Variants in CYP19A1 observed in about 807,000 individuals in gnomAD.
The protein encoded by CYP19A1 is aromatase.
Under a neutral mutation model 44.4 loss-of-function variants are expected in CYP19A1, and 32 were observed. That is an observed-to-expected ratio of 0.72 (90% CI 0.54 to 0.97). The LOEUF (loss-of-function observed/expected upper bound fraction) is 0.97. Among genes scored for constraint, CYP19A1 ranks in the 50% least tolerant of loss-of-function variants. The pLI is 0.00. For synonymous variants in CYP19A1, 212 were observed against 215.6 expected, an observed-to-expected ratio of 0.98 and a Z score of 0.14; for missense variants, 598 against 637.8, an observed-to-expected ratio of 0.94 and a Z score of 0.67.
At chr15:51,270,990 G>T (rs1451443759) in intron 1 of CYP19A1, among the ~76,000 whole-genome samples, 1 of 152,030 alleles carries the variant, frequency 6.6e-6, no homozygotes, top group Non-Finnish European at 1.5e-5. Context: ...CTTTCTGAGG[G>T]TATCAGTGGC....
intron 5 of CYP19A1, among the ~76,000 whole-genome samples, chr15:51,220,236 C>G (rs576008172): frequency 6.6e-6 from 1 of 152,346 alleles, no homozygotes; most frequent in South Asian, 2.1e-4. Flanking sequence ...TAACCACCCT[C>G]TCCATGACAT....
Position 51,325,566 on chromosome 15 carries a change from G to A in CYP19A1, c.-39+12929C>T, listed in dbSNP as rs764783072. Among the ~76,000 whole-genome samples the A allele has an allele frequency of 5.3e-5, 8 of 152,252 alleles. No homozygotes were observed. In the Middle Eastern group the frequency reaches 0.01, roughly 194 times the overall value. On this transcript the variant is annotated intron_variant, in intron 1 of 9. Transcript: ENST00000396402. ...GAAAAGTTGAAAGTGCAGGCCAGGC[G>A]CCATGGCTCATGCCTGTAATCCCAG...
At chr15:51,280,117 CTTT>C (rs56080547) in intron 1 of CYP19A1, 3 of 119,624 alleles carry the variant, frequency 2.5e-5, no homozygotes, top group Admixed American at 8.4e-5. Flanking sequence ...GCCTGCCCTT[CTTT>C]TTTTTTTTTT....
chr15:51,311,859 G>GT (rs1312490900), intron 1 of CYP19A1, among the ~76,000 whole-genome samples: 1 of 152,140 alleles, frequency 6.6e-6, no homozygotes, highest in Non-Finnish European at 1.5e-5. Context: ...CTGGGCCTCA[G>GT]TTCCTCACCT....
chr15:51,249,452 C>T (rs1045708654), intron 1 of CYP19A1, among the ~76,000 whole-genome samples: 4 of 152,168 alleles, frequency 2.6e-5, no homozygotes, highest in Non-Finnish European at 5.9e-5. Flanking sequence ...TCCTCTTTTT[C>T]TCTCCGACAT....
chr15:51,287,102 G>C (rs1439779698), intron 1 of CYP19A1, among the ~76,000 whole-genome samples: 1 of 152,212 alleles, frequency 6.6e-6, no homozygotes, highest in Admixed American at 6.5e-5. Context: ...ATGACAGCTA[G>C]TGCACATAGT....
chr15:51,210,448 C>A lies in CYP19A1; in HGVS notation c.*360G>T, dbSNP rs538112863. The A allele has an allele frequency of 1.1e-5, 6 of 523,552 alleles. No individual in the cohort carries two copies. The highest frequency in any genetic ancestry group is 7.7e-5 in the South Asian group (5 of 64,690). 32.4% of individuals were successfully genotyped at this position (523,552 alleles called of 1,614,324 possible). ...GTTTCTGCCCCAGACATAAAAATCC[C>A]CTTGGGTTGAGGCAGTAGAGCTCTA... is the stretch of plus-strand genomic sequence containing the variant. On this transcript the variant is annotated 3_prime_UTR_variant, in exon 10 of 10. Transcript: ENST00000396402.
chr15:51,300,030 C>T (rs894744619), intron 1 of CYP19A1, among the ~76,000 whole-genome samples: 4 of 152,202 alleles, frequency 2.6e-5, no homozygotes, highest in African/African-American at 9.7e-5. Flanking sequence ...ATCTGAGCAA[C>T]AGGAAGAGTG....
At chr15:51,332,851 A>G (rs542408078) in intron 1 of CYP19A1, among the ~76,000 whole-genome samples, 6 of 152,316 alleles carry the variant, frequency 3.9e-5, no homozygotes, top group African/African-American at 1.4e-4. Flanking sequence ...TTCTTCCCCT[A>G]TAAGTCACTT....
chr15:51,267,137 C>T (rs1319032341), intron 1 of CYP19A1, among the ~76,000 whole-genome samples: 1 of 152,154 alleles, frequency 6.6e-6, no homozygotes, highest in African/African-American at 2.4e-5. Context: ...CTCTGTCACT[C>T]CCAAGCAGGG....
intron 1 of CYP19A1, among the ~76,000 whole-genome samples, chr15:51,331,536 C>CT (rs1025725456): frequency 5.3e-5 from 8 of 152,056 alleles, no homozygotes; most frequent in African/African-American, 9.6e-5. Context: ...TAGTTAGCAT[C>CT]TTTTTTTGCA....
intron 1 of CYP19A1, among the ~76,000 whole-genome samples, chr15:51,322,491 T>C (rs1595784903): frequency 6.6e-6 from 1 of 152,240 alleles, no homozygotes; most frequent in Admixed American, 6.5e-5. Context: ...TTGCTGCTTC[T>C]GCTGTTGTTA....
intron 1 of CYP19A1, among the ~76,000 whole-genome samples, chr15:51,277,755 C>T (rs187242725): frequency 6.6e-6 from 1 of 151,586 alleles, no homozygotes; most frequent in African/African-American, 2.4e-5. Flanking sequence ...TAGATTGTTC[C>T]CCTCCTTCCA....
rs1385900494 is a variant in CYP19A1, at chr15:51,237,135, C to G, written c.146-126G>C. On this transcript the variant is annotated intron_variant, in intron 2 of 9. Transcript: ENST00000396402. Reference sequence around the variant, plus strand: ...TTACATGTGATGTATATCTGTGAATCACGAATAAAGTGATTTGAAACAAAA... The same window carrying G: ...TTACATGTGATGTATATCTGTGAATGACGAATAAAGTGATTTGAAACAAAA... The G allele has an allele frequency of 3.7e-6, 4 of 1,092,726 alleles. No homozygotes were observed. The East Asian group carries it at 7.8e-5, about 21-fold the overall frequency. 67.7% of individuals were successfully genotyped at this position (1,092,726 alleles called of 1,614,324 possible).
chr15:51,265,963 A>G (rs2034903931), intron 1 of CYP19A1, among the ~76,000 whole-genome samples: 1 of 152,222 alleles, frequency 6.6e-6, no homozygotes, highest in Admixed American at 6.5e-5. Context: ...GTCTGGATAA[A>G]TCTAGTGATA....
chr15:51,289,725 C>G (rs529948207), intron 1 of CYP19A1, among the ~76,000 whole-genome samples: 1 of 152,146 alleles, frequency 6.6e-6, no homozygotes, highest in South Asian at 2.1e-4. Flanking sequence ...GCGTTTGAAG[C>G]CTGTTTGGAG....
chr15:51,294,155 C>G, intron 1 of CYP19A1, among the ~76,000 whole-genome samples: 4 of 133,262 alleles, frequency 3.0e-5, no homozygotes, highest in South Asian at 2.6e-4. Context: ...TGTGAGGAGC[C>G]CCTCTGCCTG....
intron 1 of CYP19A1, among the ~76,000 whole-genome samples, chr15:51,267,826 C>T (rs1301030608): frequency 1.3e-5 from 2 of 152,228 alleles, no homozygotes; most frequent in Non-Finnish European, 2.9e-5. Context: ...CCTGCCGGCT[C>T]CCCATGCCCC....
intron 1 of CYP19A1, among the ~76,000 whole-genome samples, chr15:51,301,424 C>T (rs922139403): frequency 1.3e-5 from 2 of 152,180 alleles, no homozygotes; most frequent in South Asian, 2.1e-4. Flanking sequence ...TTTGGGATGC[C>T]GGGGCTACAC....
Sources: gnomAD v4.1 joint callset for allele counts (sites outside exome capture counted in the v4.1 genomes callset) on GRCh38, gnomAD v4.1.1 for gene constraint, MANE v1.5 for transcripts, NCBI Gene and HGNC (gene_info 2026-07-23, HGNC 2026-07-21) for gene names.